Variants in SNTG2 observed in about 807,000 individuals in gnomAD.
The protein encoded by SNTG2 is gamma-2-syntrophin.
Under a neutral mutation model 70.9 loss-of-function variants are expected in SNTG2, and 74 were observed. The observed-to-expected ratio is 1.04, with a 90% CI of 0.86 to 1.27. The LOEUF is 1.27. SNTG2 is among the 50% of genes most tolerant of loss of function. The pLI is 0.00. For missense variants in SNTG2, 717 were observed against 690.7 expected (o/e 1.04, Z -0.43); for synonymous variants, 278 against 273.8 (o/e 1.02, Z -0.15).
intron 7 of SNTG2, among the ~76,000 whole-genome samples, chr2:1,170,255 T>C (rs1166294360): frequency 1.3e-5 from 2 of 152,194 alleles, no homozygotes; most frequent in Non-Finnish European, 2.9e-5. Flanking sequence ...CAACAGAAAA[T>C]TCACCGTTTT....
At chr2:1,222,211 T>C (rs1454551114) in intron 9 of SNTG2, among the ~76,000 whole-genome samples, 2 of 151,920 alleles carry the variant, frequency 1.3e-5, no homozygotes, top group African/African-American at 4.8e-5. Context: ...GAGGATCTTT[T>C]CTTTTCACCT....
chr2:1,271,645 C>A (rs1679024752), intron 14 of SNTG2, among the ~76,000 whole-genome samples: 1 of 152,088 alleles, frequency 6.6e-6, no homozygotes, highest in African/African-American at 2.4e-5. Context: ...CTAGATTGTG[C>A]CTCGGTGTGG....
At chr2:1,055,982 C>T (rs781372442) in intron 1 of SNTG2, among the ~76,000 whole-genome samples, 2 of 152,158 alleles carry the variant, frequency 1.3e-5, no homozygotes, top group Admixed American at 6.5e-5. Context: ...CCTGGACATG[C>T]GGTGGGTCGC....
intron 2 of SNTG2, among the ~76,000 whole-genome samples, chr2:1,085,243 T>C (rs1664608179): frequency 6.6e-6 from 1 of 152,246 alleles, no homozygotes; most frequent in South Asian, 2.1e-4. Context: ...CCCTGCTTAA[T>C]AGAGATTTTT....
At chr2:1,120,929 T>G (rs1031204485) in intron 4 of SNTG2, among the ~76,000 whole-genome samples, 1 of 152,038 alleles carries the variant, frequency 6.6e-6, no homozygotes, top group Non-Finnish European at 1.5e-5. Context: ...TAAAGAACTT[T>G]CCATGCAATA....
intron 16 of SNTG2, among the ~76,000 whole-genome samples, chr2:1,338,002 C>T (rs1659902545): frequency 6.6e-6 from 1 of 152,190 alleles, no homozygotes; most frequent in African/African-American, 2.4e-5. Flanking sequence ...GAATCACAGA[C>T]TTACATGGCA....
At chr2:970,976 A>G (rs575248641) in intron 1 of SNTG2, among the ~76,000 whole-genome samples, 1 of 152,318 alleles carries the variant, frequency 6.6e-6, no homozygotes, top group South Asian at 2.1e-4. Context: ...TTAGAATGGC[A>G]ATCATTAAAA....
intron 9 of SNTG2, among the ~76,000 whole-genome samples, chr2:1,230,283 A>G (rs1676124436): frequency 6.6e-6 from 1 of 152,230 alleles, no homozygotes; most frequent in South Asian, 2.1e-4. Flanking sequence ...GGTATATCAG[A>G]CACAATTTTA....
intron 1 of SNTG2, among the ~76,000 whole-genome samples, chr2:1,031,528 A>ATATATATATATTTTTTTTTTTTTTTTT: frequency 1.0e-4 from 6 of 59,122 alleles, no homozygotes; most frequent in African/African-American, 2.5e-4. Flanking sequence ...ATATATATAT[A>ATATATATATATTTTTTTTTTTTTTTTT]TTTTTTTTTT....
chr2:1,018,986 C>A (rs1385027351), intron 1 of SNTG2, among the ~76,000 whole-genome samples: 1 of 152,198 alleles, frequency 6.6e-6, no homozygotes, highest in Admixed American at 6.5e-5. Flanking sequence ...GATGAGAATA[C>A]AGCACGCATG....
intron 8 of SNTG2, among the ~76,000 whole-genome samples, chr2:1,197,531 G>GTGTGTGTT (rs1553353479): frequency 6.8e-6 from 1 of 146,468 alleles, no homozygotes; most frequent in Non-Finnish European, 1.5e-5. Context: ...GTGTGTGTGT[G>GTGTGTGTT]TGTGTGTGTG....
Position 1,137,815 on chromosome 2 carries a change from T to C in SNTG2, c.411+6T>C, listed in dbSNP as rs769206383. 3 of 1,606,716 alleles carry C rather than the reference T, an allele frequency of 1.9e-6. No individual in the cohort carries two copies. The highest frequency in any genetic ancestry group is 2.6e-6 in the Non-Finnish European group (3 of 1,174,376). On this transcript the variant is annotated splice_donor_region_variant and intron_variant, in intron 6 of 16. Coordinates refer to ENST00000308624, the MANE Select transcript of SNTG2 (RefSeq NM_018968.4). ...ATGCAACTCATGAAGAAGTGGTAAGTGAATTACATTTTATAGTTATTCTGT... is the reference window on the plus strand; with the variant it reads ...ATGCAACTCATGAAGAAGTGGTAAGCGAATTACATTTTATAGTTATTCTGT...
chr2:1,348,120 A>C (rs537016293), intron 16 of SNTG2, among the ~76,000 whole-genome samples: 15 of 152,298 alleles, frequency 9.8e-5, no homozygotes, highest in African/African-American at 3.6e-4. Context: ...TTCTTCCTTT[A>C]GGTTGACATT....
At chr2:1,309,793 A>C (rs1025108902) in intron 15 of SNTG2, among the ~76,000 whole-genome samples, 3 of 152,258 alleles carry the variant, frequency 2.0e-5, no homozygotes, top group Non-Finnish European at 4.4e-5. Flanking sequence ...AAGGGATTTC[A>C]CATCTGCCAT....
At chr2:1,346,435 G>A (rs9677202) in intron 16 of SNTG2, 95,556 of 152,056 alleles carry the variant, frequency 0.63, 30,787 homozygotes, top group East Asian at 0.86. Context: ...TCTGATGTCC[G>A]GACTTGCTCA....
chr2:1,239,815 A>G (rs1215249859), intron 11 of SNTG2, 39 bp downstream of exon 11: 2 of 1,603,716 alleles, frequency 1.2e-6, no homozygotes, highest in East Asian at 4.5e-5. Flanking sequence ...GTAACACATC[A>G]GGTAGGGTTT....
intron 15 of SNTG2, among the ~76,000 whole-genome samples, chr2:1,312,019 A>T (rs1681017618): frequency 6.6e-6 from 1 of 151,962 alleles, no homozygotes; most frequent in Admixed American, 6.6e-5. Context: ...TTGATTGCCC[A>T]CTTCTGCTTG....
rs142114017 is a variant in SNTG2 at position 1,136,347 on chromosome 2, C to A, written c.326-1275C>A. Among the ~76,000 whole-genome samples the A allele has an allele frequency of 2.0e-5, 3 of 151,484 alleles. No homozygotes were observed. The East Asian group carries it at 5.8e-4, about 29-fold the overall frequency. ...AGAGACACAGAGACAGTGAGAGACA[C>A]CGAGAGGGAGGGGGGCAGTTTGAAC... On this transcript the variant is annotated intron_variant, in intron 4 of 16. Coordinates refer to ENST00000308624, the MANE Select transcript of SNTG2 (RefSeq NM_018968.4).
At chr2:952,808 T>G (rs891027438) in intron 1 of SNTG2, among the ~76,000 whole-genome samples, 1 of 152,234 alleles carries the variant, frequency 6.6e-6, no homozygotes, top group African/African-American at 2.4e-5. Flanking sequence ...CAGATTCTTA[T>G]GTATTTAAAA....
Sources: allele counts gnomAD v4.1 joint callset (sites outside exome capture counted in the v4.1 genomes callset), GRCh38; gene constraint gnomAD v4.1.1; transcripts MANE v1.5; gene names NCBI Gene and HGNC (gene_info 2026-07-23, HGNC 2026-07-21).